Variants in PLEKHG7 observed in about 807,000 individuals in gnomAD.
The protein encoded by PLEKHG7 is pleckstrin homology and RhoGEF domain containing G7.
In PLEKHG7, 77 loss-of-function variants were observed where a neutral mutation model predicts 85.2. The observed-to-expected ratio is 0.90, with a 90% CI of 0.75 to 1.09. PLEKHG7 has a LOEUF of 1.09. PLEKHG7 is among the 50% of genes least tolerant of loss of function. The pLI is 0.00. For synonymous variants in PLEKHG7, 301 were observed against 302.4 expected, an observed-to-expected ratio of 1.00 and a Z score of 0.05; for missense variants, 777 against 804.3, an observed-to-expected ratio of 0.97 and a Z score of 0.41.
At chr12:92,743,693 G>A (rs1872434246) in intron 9 of PLEKHG7, among the ~76,000 whole-genome samples, 1 of 152,084 alleles carries the variant, frequency 6.6e-6, no homozygotes, top group African/African-American at 2.4e-5. Context: ...CCGAGTAGCT[G>A]GGACCAGAGG....
At chr12:92,747,248 A>G (rs1361712211) in intron 10 of PLEKHG7, among the ~76,000 whole-genome samples, 1 of 90,446 alleles carries the variant, frequency 1.1e-5, no homozygotes, top group East Asian at 3.3e-4. Context: ...ACAAATGGCC[A>G]ACAGGTATAT....
intron 3 of PLEKHG7, among the ~76,000 whole-genome samples, chr12:92,718,992 T>C (rs1202698753): frequency 6.6e-6 from 1 of 152,232 alleles, no homozygotes; most frequent in Non-Finnish European, 1.5e-5. Flanking sequence ...TCTGCATTTA[T>C]GAGAAATCGC....
intron 10 of PLEKHG7, among the ~76,000 whole-genome samples, chr12:92,752,901 C>T (rs527491588): frequency 7.2e-5 from 11 of 152,206 alleles, no homozygotes; most frequent in South Asian, 4.1e-4. Context: ...GCTGTCTTCT[C>T]GCTGTAGCCT....
At chr12:92,723,536 C>A (rs1163615181) in intron 3 of PLEKHG7, among the ~76,000 whole-genome samples, 1 of 152,108 alleles carries the variant, frequency 6.6e-6, no homozygotes, top group Non-Finnish European at 1.5e-5. Context: ...ATTCAATAAT[C>A]AGTCTAATAG....
At position 92,770,297 on chromosome 12, in the gene PLEKHG7, T is replaced by G; in HGVS notation, c.*102T>G. 1.1e-6 allele frequency: 1 copy of G among 932,964 alleles called. No homozygotes were observed. The highest frequency in any genetic ancestry group is 1.6e-6 in the Non-Finnish European group (1 of 613,688). The allele number at this position is 932,964 out of a possible 1,614,324, so 57.8% of individuals were successfully genotyped here. A position where few individuals can be genotyped will look rare whatever the true frequency, so the allele number is the denominator to read the frequency against. ...TAGCTAGTGATAAGCTAGAAGGAAA[T>G]TTGCATTTTAAAGAAGTTTCAGAAT... On this transcript the variant is annotated 3_prime_UTR_variant, in exon 17 of 17. Transcript: ENST00000344636.
At chr12:92,741,677 A>AT in intron 9 of PLEKHG7, 85 bp downstream of exon 9, 2 of 978,396 alleles carry the variant, frequency 2.0e-6, no homozygotes, top group African/African-American at 1.6e-5. Context: ...CTTGATTTTA[A>AT]TTCTCCCTGG....
chr12:92,714,973 C>T (rs112036503), intron 3 of PLEKHG7, among the ~76,000 whole-genome samples: 1 of 151,922 alleles, frequency 6.6e-6, no homozygotes, highest in Non-Finnish European at 1.5e-5. Context: ...CTCCTTGTAC[C>T]AAAATCTGTA....
intron 13 of PLEKHG7, 117 bp downstream of exon 13, chr12:92,756,508 G>A (rs1565796246): frequency 2.5e-6 from 2 of 797,608 alleles, no homozygotes; most frequent in African/African-American, 3.4e-5. Context: ...GTGATGGAGG[G>A]TGTGAATGAG....
chr12:92,753,238 G>C (rs977703817), intron 10 of PLEKHG7, among the ~76,000 whole-genome samples: 6 of 152,196 alleles, frequency 3.9e-5, no homozygotes, highest in African/African-American at 1.2e-4. Flanking sequence ...ACTCCTTCCT[G>C]ATGTACCCAT....
chr12:92,707,220 G>A, intron 2 of PLEKHG7, 82 bp downstream of exon 2: 3 of 1,494,768 alleles, frequency 2.0e-6, no homozygotes, highest in Non-Finnish European at 1.8e-6. Flanking sequence ...GTTCCCCCAA[G>A]GGCCAGTAGA....
Position 92,766,157 on chromosome 12 carries a change from TAAAAC to T in PLEKHG7, c.1870+1967_1870+1971del, listed in dbSNP as rs1407587893. Among the ~76,000 whole-genome samples the T allele has an allele frequency of 4.6e-5, 7 of 152,240 alleles. No homozygotes were observed. In the South Asian group the frequency reaches 1.2e-3, roughly 27 times the overall value. The stretch of plus-strand genomic sequence containing the variant: ...CCAAGGGATGGCAGAGGAATGTAGA[TAAAAC>T]AAAGCCTCAGTATGTGGCGGCTGGA... On this transcript the variant is annotated intron_variant, in intron 15 of 16. Transcript: ENST00000344636.
chr12:92,729,260 G>A (rs1310975527), intron 4 of PLEKHG7, 140 bp downstream of exon 4: 5 of 1,068,162 alleles, frequency 4.7e-6, no homozygotes, highest in Middle Eastern at 3.4e-4. Flanking sequence ...CAATTACAAC[G>A]GGCACCAGCT....
chr12:92,764,179 C>G lies in PLEKHG7; in HGVS notation c.1855C>G (p.Pro619Ala), dbSNP rs1422771445. Residue 619 changes from proline to alanine, a missense_variant, in exon 15 of 17, where the codon CCA (proline) becomes GCA (alanine). Around this residue, in one of 3 missense-constraint regions of PLEKHG7, gnomAD observed 520 missense variants for 544.0 expected, o/e 0.96. Coordinates refer to ENST00000344636, the MANE Select transcript of PLEKHG7 (RefSeq NM_001377329.1). ...TAGATTGGTAGTCAAAAGTATTGAA[C>G]CACTCCATGTGTCAGGTATGTGTCT... ...LDRLVVKSIE[P>A]LHVSVFGLRN... is the part of the protein sequence containing the mutation. 1 of 1,606,752 alleles carries G rather than the reference C, an allele frequency of 6.2e-7. No homozygotes were observed. Among genetic ancestry groups the G allele is most frequent in the East Asian group, 2.2e-5 (1 of 44,450 alleles).
In PLEKHG7 at chr12:92,754,166, G is replaced by A. The variant is rs199587628; in HGVS notation, c.1328G>A (p.Arg443Gln). 1.2e-4 allele frequency: 186 copies of A among 1,614,012 alleles called. No individual in the cohort carries two copies. The Admixed American group carries it at 1.3e-3, about 11-fold the overall frequency. ...LLVAPLQRLT[R>Q]YPLLLKNIWK... The stretch of plus-strand genomic sequence containing the variant: ...GTGGCCCCACTACAGAGGCTCACTC[G>A]ATATCCGTTGTTGCTGAAGAATATC... The change falls in exon 11 of 17, where the codon CGA becomes CAA. Residue 443 changes from arginine to glutamine, a missense_variant. Arg to Gln is a conservative substitution (Grantham distance 43). Coordinates refer to ENST00000344636, the MANE Select transcript of PLEKHG7 (RefSeq NM_001377329.1).
chr12:92,706,362 T>C, intron 1 of PLEKHG7, 109 bp from the exon 2 acceptor site: 1 of 393,988 alleles, frequency 2.5e-6, no homozygotes, highest in Non-Finnish European at 4.5e-6. Flanking sequence ...AACTGAGCTC[T>C]ATTGCCTATG....
chr12:92,736,469 C>A lies in PLEKHG7; in HGVS notation c.700-13C>A. The A allele has an allele frequency of 8.2e-7, 1 of 1,226,966 alleles. No individual in the cohort carries two copies. The highest frequency in any genetic ancestry group is 1.0e-6 in the Non-Finnish European group (1 of 983,302). The allele number at this position is 1,226,966 out of a possible 1,614,324, so 76.0% of individuals were successfully genotyped here. A position where few individuals can be genotyped will look rare whatever the true frequency, so the allele number is the denominator to read the frequency against. On this transcript the variant is annotated splice_polypyrimidine_tract_variant and intron_variant, in intron 5 of 16. Transcript: ENST00000344636. ...AATGTTTGAAAATCCTGTTTCTAAC[C>A]ATCTTCGAGCAGGGCAAAGACAAAC...
chr12:92,716,317 C>CA (rs1871493131), intron 3 of PLEKHG7, among the ~76,000 whole-genome samples: 1 of 152,136 alleles, frequency 6.6e-6, no homozygotes, highest in South Asian at 2.1e-4. Context: ...AGGCTGGCCT[C>CA]AAACTCCTGA....
chr12:92,758,801 G>A (rs1232295027), intron 13 of PLEKHG7, among the ~76,000 whole-genome samples: 1 of 152,202 alleles, frequency 6.6e-6, no homozygotes, highest in Non-Finnish European at 1.5e-5. Context: ...AAAGTCCTGA[G>A]ACTGGACTCA....
intron 15 of PLEKHG7, among the ~76,000 whole-genome samples, chr12:92,767,722 A>G (rs1873248663): frequency 6.6e-6 from 1 of 152,216 alleles, no homozygotes; most frequent in South Asian, 2.1e-4. Context: ...AAGAAGCCCA[A>G]CAGCCCCTCA....
Sources: allele counts gnomAD v4.1 joint callset (sites outside exome capture counted in the v4.1 genomes callset), GRCh38; gene constraint gnomAD v4.1.1; regional missense constraint gnomAD v4.1.1; transcripts MANE v1.5; gene names NCBI Gene and HGNC (gene_info 2026-07-23, HGNC 2026-07-21).